CLDN14: variants seen among roughly 807,000 people sequenced by gnomAD.
CLDN14 encodes claudin-14.
In CLDN14, 2 loss-of-function variants were observed where a neutral mutation model predicts 2.1. The ratio of observed to expected loss-of-function variants is 0.96; its 90% CI spans 0.39 to 3.01. CLDN14 has a LOEUF of 3.01. Ranked by LOEUF, CLDN14 falls within the 30% of genes most tolerant of loss-of-function variation. The probability of loss-of-function intolerance (pLI) is 0.09; values close to 1 mark genes in which losing one functional copy is unlikely to be tolerated. For synonymous variants in CLDN14, 136 were observed against 154.4 expected, an observed-to-expected ratio of 0.88 and a Z score of 0.88; for missense variants, 298 against 328.0, an observed-to-expected ratio of 0.91 and a Z score of 0.71.
At position 36,574,263 on chromosome 21, in the gene CLDN14, C is replaced by T. The variant is rs956214977; in HGVS notation, c.-220+2148G>A. Among the ~76,000 whole-genome samples, 3 of 152,146 alleles carry T rather than the reference C, an allele frequency of 2.0e-5. No homozygotes were observed. The East Asian group carries it at 5.8e-4, about 29-fold the overall frequency. The stretch of plus-strand genomic sequence containing the variant: ...TCAATAGACCAACAAACACAGTCAA[C>T]TGATATTCCACAAAGATGTCAAAGT... On this transcript the variant is annotated intron_variant, in intron 1 of 2. Coordinates refer to the CLDN14 transcript ENST00000342108.
chr21:36,528,937 T>C (rs1345070113), intron 1 of CLDN14, among the ~76,000 whole-genome samples: 1 of 152,208 alleles, frequency 6.6e-6, no homozygotes, highest in Non-Finnish European at 1.5e-5. Flanking sequence ...CGGCTGCGGC[T>C]GACAGCATTC....
intron 1 of CLDN14, among the ~76,000 whole-genome samples, chr21:36,553,591 G>A (rs2087577635): frequency 6.6e-6 from 1 of 151,922 alleles, no homozygotes; most frequent in Admixed American, 6.6e-5. Flanking sequence ...CTTAGGAAGG[G>A]AGGTGGTTGG....
At chr21:36,462,880 T>A in intron 1 of CLDN14, among the ~76,000 whole-genome samples, 1 of 114,116 alleles carries the variant, frequency 8.8e-6, no homozygotes, top group Non-Finnish European at 2.2e-5. Flanking sequence ...ATCGCGCCAC[T>A]GCACTTCATC....
At chr21:36,571,688 C>G (rs2087711143) in intron 1 of CLDN14, among the ~76,000 whole-genome samples, 1 of 152,148 alleles carries the variant, frequency 6.6e-6, no homozygotes, top group South Asian at 2.1e-4. Flanking sequence ...AACGTAGCGC[C>G]TTTTGCAACT....
chr21:36,543,055 C>G (rs1200689161), intron 1 of CLDN14, among the ~76,000 whole-genome samples: 1 of 152,170 alleles, frequency 6.6e-6, no homozygotes, highest in Non-Finnish European at 1.5e-5. Flanking sequence ...TTCCACCTGG[C>G]CGGAGGTGGG....
At chr21:36,556,357 G>A (rs2087599112) in intron 1 of CLDN14, among the ~76,000 whole-genome samples, 1 of 152,186 alleles carries the variant, frequency 6.6e-6, no homozygotes, top group African/African-American at 2.4e-5. Flanking sequence ...ATCAGGTGGA[G>A]TGCTGCCCAT....
At chr21:36,564,633 A>G (rs1377936216) in intron 1 of CLDN14, among the ~76,000 whole-genome samples, 3 of 152,168 alleles carry the variant, frequency 2.0e-5, no homozygotes, top group Non-Finnish European at 4.4e-5. Context: ...TTGTAAAATA[A>G]TTTCCCACCA....
intron 1 of CLDN14, among the ~76,000 whole-genome samples, chr21:36,549,655 A>G (rs2087550049): frequency 6.6e-6 from 1 of 152,206 alleles, no homozygotes; most frequent in South Asian, 2.1e-4. Context: ...TGTCAGAAAG[A>G]TCACGGTTGG....
chr21:36,520,182 G>T (rs2087259468), intron 1 of CLDN14, among the ~76,000 whole-genome samples: 1 of 71,986 alleles, frequency 1.4e-5, no homozygotes, highest in Non-Finnish European at 7.3e-5. Flanking sequence ...CCTTCACATG[G>T]CCGTCTTCCC....
chr21:36,511,710 C>G (rs2087188262), intron 1 of CLDN14, among the ~76,000 whole-genome samples: 1 of 152,070 alleles, frequency 6.6e-6, no homozygotes, highest in Admixed American at 6.6e-5. Flanking sequence ...CCAGCAGATT[C>G]AGATGTACAA....
intron 1 of CLDN14, among the ~76,000 whole-genome samples, chr21:36,527,489 T>C (rs1296527081): frequency 1.3e-5 from 2 of 152,210 alleles, no homozygotes; most frequent in Non-Finnish European, 2.9e-5. Flanking sequence ...AATATTTCCA[T>C]GTAGATCAGC....
At chr21:36,493,600 G>A (rs2086988959) in intron 2 of CLDN14, among the ~76,000 whole-genome samples, 1 of 152,100 alleles carries the variant, frequency 6.6e-6, no homozygotes, top group Non-Finnish European at 1.5e-5. Flanking sequence ...TTCCAGTCCT[G>A]GGGCACGAGG....
At chr21:36,556,118 C>T (rs79257755) in intron 1 of CLDN14, among the ~76,000 whole-genome samples, 9,270 of 152,152 alleles carry the variant, frequency 0.061, 297 homozygotes, top group South Asian at 0.096. Flanking sequence ...AGAGCTGCCC[C>T]ACAGCTCACC....
chr21:36,554,581 T>C (rs746684613), intron 1 of CLDN14, among the ~76,000 whole-genome samples: 2 of 152,116 alleles, frequency 1.3e-5, no homozygotes, highest in African/African-American at 4.8e-5. Flanking sequence ...CCGTTTTACA[T>C]ATGGGGAAGG....
At chr21:36,550,629 C>G (rs982254765) in intron 1 of CLDN14, among the ~76,000 whole-genome samples, 1 of 152,200 alleles carries the variant, frequency 6.6e-6, no homozygotes, top group African/African-American at 2.4e-5. Flanking sequence ...CACATGCTCC[C>G]AGTCCCCTCC....
chr21:36,562,992 C>T (rs1406164113), intron 1 of CLDN14, among the ~76,000 whole-genome samples: 4 of 152,184 alleles, frequency 2.6e-5, no homozygotes, highest in Non-Finnish European at 5.9e-5. Flanking sequence ...TTCATCTAAA[C>T]ATGAACTTGG....
At chr21:36,537,766 CA>C (rs989259832) in intron 1 of CLDN14, among the ~76,000 whole-genome samples, 2 of 152,056 alleles carry the variant, frequency 1.3e-5, no homozygotes, top group Non-Finnish European at 2.9e-5. Flanking sequence ...TCCCCTGCCT[CA>C]GCCTCCCAAG....
At chr21:36,509,997 TAC>T (rs2087171025) in intron 2 of CLDN14, among the ~76,000 whole-genome samples, 1 of 152,216 alleles carries the variant, frequency 6.6e-6, no homozygotes, top group Admixed American at 6.5e-5. Context: ...TTTAGTGCCC[TAC>T]CATAGACACC....
chr21:36,497,917 C>T (rs1203581404), intron 2 of CLDN14, among the ~76,000 whole-genome samples: 4 of 152,180 alleles, frequency 2.6e-5, no homozygotes, highest in Admixed American at 1.3e-4. Flanking sequence ...TTCCTTAGCT[C>T]TTCAGTCTCA....
Sources: gnomAD v4.1 joint callset for allele counts (sites outside exome capture counted in the v4.1 genomes callset) on GRCh38, gnomAD v4.1.1 for gene constraint, MANE v1.5 for transcripts, NCBI Gene and HGNC (gene_info 2026-07-23, HGNC 2026-07-21) for gene names.